The following TMC7 variants were observed in gnomAD, a reference collection of about 807,000 sequenced individuals.
TMC7 encodes transmembrane channel-like protein 7.
A neutral mutation model predicts 82.9 loss-of-function variants in TMC7; 54 were observed. That is an observed-to-expected ratio of 0.65 (90% CI 0.52 to 0.82). The LOEUF (loss-of-function observed/expected upper bound fraction) is 0.82, where lower values mean the gene tolerates loss of function less well. Ranked by LOEUF, TMC7 falls within the 40% of genes least tolerant of loss-of-function variation. The pLI is 0.00. For synonymous variants in TMC7, 350 were observed against 337.9 expected, an observed-to-expected ratio of 1.04 and a Z score of -0.39; for missense variants, 820 against 901.2, an observed-to-expected ratio of 0.91 and a Z score of 1.15.
intron 8 of TMC7, among the ~76,000 whole-genome samples, chr16:19,039,526 TC>T (rs1290007669): frequency 6.6e-6 from 1 of 152,098 alleles, no homozygotes; most frequent in Non-Finnish European, 1.5e-5. Context: ...ACTAAAAACT[TC>T]CACTTATATC....
chr16:19,040,267 A>G (rs1217456571), intron 8 of TMC7, 22 bp from the exon 9 acceptor site: 1 of 1,607,168 alleles, frequency 6.2e-7, no homozygotes, highest in Admixed American at 1.7e-5. Context: ...CTCCTGACTA[A>G]TAAGTTTTGT....
chr16:19,025,777 A>G (rs1374342994), intron 5 of TMC7, among the ~76,000 whole-genome samples: 1 of 147,796 alleles, frequency 6.8e-6, no homozygotes, highest in Non-Finnish European at 1.5e-5. Context: ...TTTCTTTTTG[A>G]GACAAGATCT....
intron 6 of TMC7, among the ~76,000 whole-genome samples, chr16:19,032,355 T>C (rs1265290028): frequency 2.6e-5 from 4 of 152,102 alleles, no homozygotes; most frequent in African/African-American, 9.7e-5. Context: ...CCCACCCAAG[T>C]GTACTATGTA....
intron 1 of TMC7, among the ~76,000 whole-genome samples, chr16:18,995,743 T>C (rs1047316420): frequency 1.2e-4 from 19 of 152,238 alleles, no homozygotes; most frequent in African/African-American, 4.3e-4. Context: ...CTTGGCTGCA[T>C]CTACTCTATT....
At chr16:19,040,138 A>AAAT in intron 8 of TMC7, 151 bp from the exon 9 acceptor site, 1 of 466,046 alleles carries the variant, frequency 2.1e-6, no homozygotes, top group Non-Finnish European at 3.6e-6. Flanking sequence ...AAAAAAAAAA[A>AAAT]GGAACGAGAT....
intron 13 of TMC7, among the ~76,000 whole-genome samples, chr16:19,054,740 C>CTTTTTTTT (rs71143826): frequency 3.2e-5 from 2 of 63,132 alleles, no homozygotes; most frequent in African/African-American, 5.8e-5. Flanking sequence ...ATGGGATTTG[C>CTTTTTTTT]TTTTTTTTTT....
At chr16:19,016,912 G>T (rs1193951030) in intron 3 of TMC7, among the ~76,000 whole-genome samples, 1 of 152,076 alleles carries the variant, frequency 6.6e-6, no homozygotes. Flanking sequence ...AAGACCAGGC[G>T]CAGTGGCTCA....
chr16:18,996,957 CTT>C (rs1013648935), intron 1 of TMC7, among the ~76,000 whole-genome samples: 38 of 152,336 alleles, frequency 2.5e-4, no homozygotes, highest in Middle Eastern at 3.4e-3. Context: ...AAATGTGTCT[CTT>C]TTGTCTCTAT....
intron 2 of TMC7, chr16:19,012,382 G>C (rs961984314): frequency 6.6e-6 from 1 of 152,108 alleles, no homozygotes; most frequent in Non-Finnish European, 1.5e-5. Context: ...ACACCTAAGA[G>C]AGAGACATAT....
At chr16:19,030,578 C>CTT (rs572433772) in intron 6 of TMC7, among the ~76,000 whole-genome samples, 20 of 135,394 alleles carry the variant, frequency 1.5e-4, no homozygotes, top group African/African-American at 3.5e-4. Flanking sequence ...TGAGGTTCTT[C>CTT]TTTTTTTTTT....
chr16:18,985,790 A>G (rs2142102524), intron 1 of TMC7, among the ~76,000 whole-genome samples: 1 of 143,670 alleles, frequency 7.0e-6, no homozygotes, highest in South Asian at 2.4e-4. Context: ...CTTTCTAAAC[A>G]GTGACCTGTT....
intron 12 of TMC7, among the ~76,000 whole-genome samples, chr16:19,047,628 C>T (rs960430787): frequency 3.3e-5 from 5 of 151,266 alleles, no homozygotes; most frequent in African/African-American, 9.7e-5. Context: ...AACTTGTGAC[C>T]TCATGATCCA....
intron 1 of TMC7, among the ~76,000 whole-genome samples, chr16:19,003,038 A>G (rs113797901): frequency 0.011 from 1,624 of 152,282 alleles, 29 homozygotes; most frequent in African/African-American, 0.037. Flanking sequence ...CCCTGTTGGA[A>G]AGCCAGAGCA....
At chr16:19,042,402 T>C (rs1961053754) in intron 9 of TMC7, among the ~76,000 whole-genome samples, 2 of 152,072 alleles carry the variant, frequency 1.3e-5, no homozygotes, top group Non-Finnish European at 1.5e-5. Flanking sequence ...CTCAAACTCC[T>C]GGGCTCAAGC....
chr16:19,033,216 G>C (rs1260961512), intron 6 of TMC7, among the ~76,000 whole-genome samples: 1 of 152,106 alleles, frequency 6.6e-6, no homozygotes, highest in Non-Finnish European at 1.5e-5. Context: ...ACATAAACTA[G>C]GCAGGTGAAT....
At chr16:19,044,528 C>T (rs12597765) in intron 9 of TMC7, among the ~76,000 whole-genome samples, 3 of 151,684 alleles carry the variant, frequency 2.0e-5, no homozygotes, top group East Asian at 2.0e-4. Flanking sequence ...GGCTGGGCAC[C>T]GTGGCTCACA....
chr16:18,998,480 C>T (rs1329719770), intron 1 of TMC7, among the ~76,000 whole-genome samples: 6 of 151,520 alleles, frequency 4.0e-5, no homozygotes, highest in Non-Finnish European at 8.8e-5. Context: ...CTTGGCTGGA[C>T]GCGGTGGCTC....
chr16:19,021,697 A>G lies in TMC7; in HGVS notation c.529A>G (p.Ile177Val). 6.2e-7 allele frequency: 1 copy of G among 1,614,044 alleles called. No individual in the cohort carries two copies. The highest frequency in any genetic ancestry group is 8.5e-7 in the Non-Finnish European group (1 of 1,180,014). ...LRFLVLLNLV[I>V]FLIIFMLVLL... is the part of the protein sequence containing the mutation. ...ATTCCTGGTGTTGCTGAATTTGGTG[A>G]TATTTCTGATCATCTTTATGCTGGT... Residue 177 changes from isoleucine (I) to valine (V), a missense_variant, in exon 4 of 16, where the codon ATA (isoleucine) becomes GTA (valine). Physicochemically the swap from Ile to Val is conservative, Grantham distance 29 (BLOSUM62 3). This residue lies in a region of TMC7 where 650 missense variants were observed against 669.9 expected (regional missense o/e 0.97). Coordinates refer to ENST00000304381, the MANE Select transcript of TMC7 (RefSeq NM_024847.4).
chr16:19,061,827 G>T lies in TMC7; in HGVS notation c.2156G>T (p.Arg719Met). Residue 719 changes from arginine to methionine, a missense_variant, in exon 16 of 16, where the codon AGG (arginine) becomes ATG (methionine). Arg to Met is a moderately conservative substitution (Grantham distance 91). Around this residue, in one of 2 missense-constraint regions of TMC7, gnomAD observed 170 missense variants for 231.3 expected, o/e 0.74. Coordinates refer to ENST00000304381, the MANE Select transcript of TMC7 (RefSeq NM_024847.4). ...YLIQKLTEAQRDMRN is the reference protein window; with the variant it reads ...YLIQKLTEAQMDMRN ...ATCCAGAAACTAACAGAAGCCCAAA[G>T]GGACATGAGGAACTAACTAGACTGA... is the stretch of plus-strand genomic sequence containing the variant. 1 of 1,613,846 alleles carries T rather than the reference G, an allele frequency of 6.2e-7. No homozygotes were observed. The highest frequency in any genetic ancestry group is 8.5e-7 in the Non-Finnish European group (1 of 1,179,854).
Sources: allele counts gnomAD v4.1 joint callset (sites outside exome capture counted in the v4.1 genomes callset), GRCh38; gene constraint gnomAD v4.1.1; regional missense constraint gnomAD v4.1.1; transcripts MANE v1.5; gene names NCBI Gene and HGNC (gene_info 2026-07-23, HGNC 2026-07-21).